Variants in CCDC148 observed in about 807,000 individuals in gnomAD.
CCDC148 encodes coiled-coil domain-containing protein 148.
CCDC148 carries 89 observed loss-of-function variants against 85.7 expected under a neutral mutation model. The ratio of observed to expected loss-of-function variants is 1.04; its 90% CI spans 0.87 to 1.24. The LOEUF is 1.24. Among genes scored for constraint, CCDC148 ranks in the 50% most tolerant of loss-of-function variants. The pLI, the probability that CCDC148 is intolerant of heterozygous loss-of-function variation, is 0.00. For synonymous variants in CCDC148, 230 were observed against 213.9 expected (o/e 1.08, Z -0.66); for missense variants, 692 against 671.7 (o/e 1.03, Z -0.33).
intron 1 of CCDC148, among the ~76,000 whole-genome samples, chr2:158,395,153 C>A (rs1685471154): frequency 6.6e-6 from 1 of 151,980 alleles, no homozygotes; most frequent in African/African-American, 2.4e-5. Flanking sequence ...ATAAAAAACA[C>A]CAGCCAATAA....
At chr2:158,234,115 G>T (rs1277083816) in intron 10 of CCDC148, among the ~76,000 whole-genome samples, 1 of 152,042 alleles carries the variant, frequency 6.6e-6, no homozygotes, top group Non-Finnish European at 1.5e-5. Context: ...GACAGAGGTT[G>T]TAGCGGGCCG....
At chr2:158,335,791 C>T (rs752219891) in intron 7 of CCDC148, among the ~76,000 whole-genome samples, 1 of 152,092 alleles carries the variant, frequency 6.6e-6, no homozygotes, top group African/African-American at 2.4e-5. Flanking sequence ...TTCACCTAAT[C>T]CTCTCCTGAG....
At chr2:158,300,647 C>A (rs1195816171) in intron 9 of CCDC148, among the ~76,000 whole-genome samples, 1 of 152,192 alleles carries the variant, frequency 6.6e-6, no homozygotes, top group Non-Finnish European at 1.5e-5. Context: ...GAATGTTGCA[C>A]TGTGCAGTGG....
At chr2:158,236,285 G>A (rs1051895043) in intron 10 of CCDC148, 9 of 152,126 alleles carry the variant, frequency 5.9e-5, no homozygotes, top group Admixed American at 4.6e-4. Context: ...ATAACATGAT[G>A]AGCCAAGAAA....
chr2:158,296,928 C>T (rs1309256907), intron 9 of CCDC148, among the ~76,000 whole-genome samples: 1 of 152,166 alleles, frequency 6.6e-6, no homozygotes, highest in African/African-American at 2.4e-5. Flanking sequence ...ATCACTCTGG[C>T]ACTGATGCCT....
At chr2:158,224,417 C>G (rs1253597142) in intron 10 of CCDC148, among the ~76,000 whole-genome samples, 1 of 152,114 alleles carries the variant, frequency 6.6e-6, no homozygotes, top group African/African-American at 2.4e-5. Context: ...GAGTACTTCC[C>G]CAATCTAGCA....
rs375438964 is a variant in CCDC148, at chr2:158,287,042, C to G, written c.1110+22391G>C. Among the ~76,000 whole-genome samples the G allele has an allele frequency of 5.3e-5, 8 of 152,280 alleles. No individual in the cohort carries two copies. In the South Asian group the frequency reaches 1.7e-3, roughly 32 times the overall value. ...GGTGGGAGGTAAAAGGCACTTCTTA[C>G]ATGGTGGTGGCAGGAGAAAAATCAG... On this transcript the variant is annotated intron_variant, in intron 9 of 13. Coordinates refer to ENST00000283233, the MANE Select transcript of CCDC148 (RefSeq NM_138803.4).
chr2:158,366,613 C>T (rs1684215986), intron 1 of CCDC148, among the ~76,000 whole-genome samples: 2 of 152,250 alleles, frequency 1.3e-5, no homozygotes, highest in East Asian at 3.9e-4. Context: ...GCAGCCCGTA[C>T]CCAGTGACTG....
chr2:158,317,120 C>G (rs942350976), intron 7 of CCDC148, among the ~76,000 whole-genome samples: 4 of 152,122 alleles, frequency 2.6e-5, no homozygotes, highest in Non-Finnish European at 2.9e-5. Context: ...CTCTTATCTA[C>G]TTTCTGAATT....
chr2:158,456,348 G>A, intron 1 of CCDC148, 67 bp downstream of exon 1: 1 of 1,528,440 alleles, frequency 6.5e-7, no homozygotes, highest in Non-Finnish European at 9.0e-7. Flanking sequence ...ACAAACATAA[G>A]TAGGATTTAG....
chr2:158,440,342 C>T (rs368694874), intron 1 of CCDC148, among the ~76,000 whole-genome samples: 34 of 152,034 alleles, frequency 2.2e-4, no homozygotes, highest in Non-Finnish European at 3.5e-4. Flanking sequence ...CAATATCAAG[C>T]GAAACAATGT....
intron 11 of CCDC148, among the ~76,000 whole-genome samples, chr2:158,194,901 C>T (rs914839046): frequency 2.6e-5 from 4 of 152,002 alleles, no homozygotes; most frequent in African/African-American, 9.7e-5. Flanking sequence ...TGCTCATCCA[C>T]ACTTTTTTGG....
intron 1 of CCDC148, among the ~76,000 whole-genome samples, chr2:158,398,853 G>T (rs1461696783): frequency 6.6e-6 from 1 of 151,808 alleles, no homozygotes; most frequent in Non-Finnish European, 1.5e-5. Flanking sequence ...TTTTTGAAAA[G>T]ATCAACAAAA....
At chr2:158,434,627 T>C (rs1440133839) in intron 1 of CCDC148, among the ~76,000 whole-genome samples, 1 of 152,164 alleles carries the variant, frequency 6.6e-6, no homozygotes, top group Non-Finnish European at 1.5e-5. Context: ...AGAATGAATT[T>C]GACGAGTTCA....
At position 158,301,803 on chromosome 2, in the gene CCDC148, G is replaced by A. The variant is rs369834614; in HGVS notation, c.1110+7630C>T. Among the ~76,000 whole-genome samples the A allele has an allele frequency of 5.9e-5, 9 of 152,320 alleles. No homozygotes were observed. In the South Asian group the frequency reaches 1.7e-3, roughly 28 times the overall value. Reference sequence around the variant, plus strand: ...AGGATGGAAGAGCCTTGCTGGATTAGGTAATACGGTGGTCACTGGAGACCT... The same window carrying A: ...AGGATGGAAGAGCCTTGCTGGATTAAGTAATACGGTGGTCACTGGAGACCT... On this transcript the variant is annotated intron_variant, in intron 9 of 13. Transcript: ENST00000283233.
intron 7 of CCDC148, among the ~76,000 whole-genome samples, chr2:158,338,024 A>G (rs981138112): frequency 6.6e-6 from 1 of 152,136 alleles, no homozygotes; most frequent in Non-Finnish European, 1.5e-5. Flanking sequence ...TGAGGTCAAT[A>G]TCATAGCACA....
At chr2:158,320,941 C>A (rs1559068415) in intron 7 of CCDC148, among the ~76,000 whole-genome samples, 2 of 152,226 alleles carry the variant, frequency 1.3e-5, no homozygotes, top group South Asian at 4.1e-4. Flanking sequence ...GGTATTTAAG[C>A]CGCTATTCTT....
intron 1 of CCDC148, among the ~76,000 whole-genome samples, chr2:158,369,919 T>G (rs1684367226): frequency 6.6e-6 from 1 of 152,200 alleles, no homozygotes; most frequent in Non-Finnish European, 1.5e-5. Context: ...TCTGTGTCTA[T>G]TGAGAAAATC....
intron 5 of CCDC148, among the ~76,000 whole-genome samples, chr2:158,339,534 C>T (rs914504936): frequency 2.6e-5 from 4 of 151,882 alleles, no homozygotes; most frequent in African/African-American, 9.7e-5. Context: ...CATAGCACAC[C>T]TATACTCAAG....
Sources: gnomAD v4.1 joint callset for allele counts (sites outside exome capture counted in the v4.1 genomes callset) on GRCh38, gnomAD v4.1.1 for gene constraint, MANE v1.5 for transcripts, NCBI Gene and HGNC (gene_info 2026-07-23, HGNC 2026-07-21) for gene names.